BBX: variants seen among roughly 807,000 people sequenced by gnomAD.
BBX encodes BBX high mobility group box domain containing, also known as HMG box transcription factor BBX.
A neutral mutation model predicts 100.2 loss-of-function variants in BBX; 30 were observed. The ratio of observed to expected loss-of-function variants is 0.30; its 90% CI spans 0.22 to 0.41. BBX has a LOEUF of 0.41. BBX is among the 10% of genes least tolerant of loss of function. BBX has a pLI of 1.00. For missense variants in BBX, 1,023 were observed against 1,129.8 expected, an observed-to-expected ratio of 0.91 and a Z score of 1.35; for synonymous variants, 376 against 388.1, an observed-to-expected ratio of 0.97 and a Z score of 0.37.
chr3:107,637,951 G>C (rs148084924), intron 2 of BBX, among the ~76,000 whole-genome samples: 2 of 150,630 alleles, frequency 1.3e-5, no homozygotes, highest in African/African-American at 4.9e-5. Context: ...GTCTTGCTCT[G>C]TTACCCAAGT....
chr3:107,608,646 G>T (rs2054615840), intron 2 of BBX, among the ~76,000 whole-genome samples: 1 of 152,070 alleles, frequency 6.6e-6, no homozygotes, highest in African/African-American at 2.4e-5. Context: ...TCCGTAGATT[G>T]CTTGGGTAGT....
At chr3:107,551,725 A>T (rs1188904730) in intron 2 of BBX, among the ~76,000 whole-genome samples, 1 of 152,232 alleles carries the variant, frequency 6.6e-6, no homozygotes, top group African/African-American at 2.4e-5. Context: ...TTTCTCATTT[A>T]TAAATAAGAG....
chr3:107,730,682 A>G (rs1337289330), intron 6 of BBX, among the ~76,000 whole-genome samples: 1 of 152,184 alleles, frequency 6.6e-6, no homozygotes, highest in Non-Finnish European at 1.5e-5. Flanking sequence ...ATTTAAGATC[A>G]GTGTTCTCAA....
At chr3:107,626,575 C>G (rs557775053) in intron 2 of BBX, among the ~76,000 whole-genome samples, 7 of 151,894 alleles carry the variant, frequency 4.6e-5, no homozygotes, top group Admixed American at 3.9e-4. Flanking sequence ...CAAGGTGGTT[C>G]ACTCACATGC....
At chr3:107,557,582 T>C (rs372170529) in intron 2 of BBX, among the ~76,000 whole-genome samples, 6 of 152,368 alleles carry the variant, frequency 3.9e-5, no homozygotes, top group African/African-American at 1.4e-4. Flanking sequence ...TTTGATACTT[T>C]CCAGTACTTA....
intron 12 of BBX, among the ~76,000 whole-genome samples, chr3:107,777,133 C>T (rs2067383960): frequency 6.6e-6 from 1 of 152,124 alleles, no homozygotes; most frequent in Non-Finnish European, 1.5e-5. Context: ...TCATTCCACC[C>T]ACTGCATAAA....
At chr3:107,617,364 A>G (rs2055372107) in intron 2 of BBX, among the ~76,000 whole-genome samples, 2 of 151,996 alleles carry the variant, frequency 1.3e-5, no homozygotes, top group African/African-American at 4.8e-5. Flanking sequence ...TGTTTTAGCT[A>G]TTCTAGTTCC....
At chr3:107,546,050 A>G (rs927917103) in intron 2 of BBX, among the ~76,000 whole-genome samples, 83 of 152,330 alleles carry the variant, frequency 5.4e-4, no homozygotes, top group Non-Finnish European at 5.6e-4. Context: ...CCTCAAGGTC[A>G]TGCTTAACCC....
At chr3:107,544,240 A>G (rs2049054284) in intron 2 of BBX, among the ~76,000 whole-genome samples, 1 of 152,206 alleles carries the variant, frequency 6.6e-6, no homozygotes, top group Non-Finnish European at 1.5e-5. Flanking sequence ...TGTAAATGAG[A>G]AAAAAGTTAC....
chr3:107,547,670 A>T (rs1414114825), intron 2 of BBX, among the ~76,000 whole-genome samples: 1 of 152,090 alleles, frequency 6.6e-6, no homozygotes, highest in Non-Finnish European at 1.5e-5. Flanking sequence ...CAGATATCTC[A>T]CTTTGAAGAT....
At chr3:107,754,732 A>G (rs931911458) in intron 9 of BBX, among the ~76,000 whole-genome samples, 5 of 152,232 alleles carry the variant, frequency 3.3e-5, no homozygotes, top group African/African-American at 1.2e-4. Flanking sequence ...CTGAGAAAGA[A>G]TTCAGAATCA....
At position 107,654,528 on chromosome 3, in the gene BBX, C is replaced by T. The variant is rs941236165; in HGVS notation, c.-10+8619C>T. Among the ~76,000 whole-genome samples the T allele has an allele frequency of 4.6e-5, 7 of 152,016 alleles. No individual in the cohort carries two copies. The East Asian group carries it at 5.8e-4, about 13-fold the overall frequency. ...AAAAATATTTTAGAACTTTTACTTTCGAATACTTATAAAGATCTTGATTCT... is the reference window on the plus strand; with the variant it reads ...AAAAATATTTTAGAACTTTTACTTTTGAATACTTATAAAGATCTTGATTCT... On this transcript the variant is annotated intron_variant, in intron 3 of 17. Coordinates refer to ENST00000325805, the MANE Select transcript of BBX (RefSeq NM_001142568.3).
chr3:107,746,452 A>G (rs2107620058), intron 8 of BBX, among the ~76,000 whole-genome samples: 1 of 152,272 alleles, frequency 6.6e-6, no homozygotes, highest in South Asian at 2.1e-4. Flanking sequence ...CAATGGATAA[A>G]ATGGTTTATT....
chr3:107,600,939 ACT>A (rs2054020177), intron 2 of BBX, among the ~76,000 whole-genome samples: 1 of 151,912 alleles, frequency 6.6e-6, no homozygotes, highest in Non-Finnish European at 1.5e-5. Flanking sequence ...ATCTGTGGCA[ACT>A]CTGCCTCAAG....
chr3:107,603,644 C>A (rs1234849064), intron 2 of BBX, among the ~76,000 whole-genome samples: 1 of 152,112 alleles, frequency 6.6e-6, no homozygotes, highest in Non-Finnish European at 1.5e-5. Context: ...TTCCAAGGTG[C>A]TGGGATCACA....
intron 13 of BBX, among the ~76,000 whole-genome samples, chr3:107,786,316 GTC>G (rs2068420350): frequency 6.6e-6 from 1 of 152,020 alleles, no homozygotes; most frequent in South Asian, 2.1e-4. Flanking sequence ...TGACAAATGA[GTC>G]TAAAATTAAT....
At chr3:107,752,777 A>C (rs765482353) in intron 9 of BBX, among the ~76,000 whole-genome samples, 7 of 152,224 alleles carry the variant, frequency 4.6e-5, no homozygotes, top group Non-Finnish European at 1.0e-4. Context: ...GAGGAAAATA[A>C]GAAGCATACC....
At chr3:107,534,706 T>C (rs1344226840) in intron 2 of BBX, among the ~76,000 whole-genome samples, 1 of 152,234 alleles carries the variant, frequency 6.6e-6, no homozygotes, top group Non-Finnish European at 1.5e-5. Context: ...AGCTTGAGAC[T>C]TATACACATC....
intron 3 of BBX, among the ~76,000 whole-genome samples, chr3:107,648,985 T>A (rs934550275): frequency 4.6e-5 from 7 of 152,222 alleles, no homozygotes; most frequent in Non-Finnish European, 8.8e-5. Context: ...CTGGGTAATT[T>A]ATAAAGGAAA....
Sources: gnomAD v4.1 joint callset for allele counts (sites outside exome capture counted in the v4.1 genomes callset) on GRCh38, gnomAD v4.1.1 for gene constraint, MANE v1.5 for transcripts, NCBI Gene and HGNC (gene_info 2026-07-23, HGNC 2026-07-21) for gene names.